The following ZNF440 variants were observed in gnomAD, a reference collection of about 807,000 sequenced individuals.
ZNF440 encodes the protein zinc finger protein 440.
ZNF440 carries 47 observed loss-of-function variants against 49.7 expected under a neutral mutation model. The ratio of observed to expected loss-of-function variants is 0.95; its 90% CI spans 0.75 to 1.21. The LOEUF is 1.21. Ranked by LOEUF, ZNF440 falls within the 50% of genes most tolerant of loss-of-function variation. ZNF440 has a pLI of 0.00. For synonymous variants in ZNF440, 255 were observed against 237.7 expected (o/e 1.07, Z -0.67); for missense variants, 703 against 715.0 (o/e 0.98, Z 0.19).
rs924781208 is a variant in ZNF440, at chr19:11,814,310, G to C, written c.-138G>C. 9 of 944,012 alleles carry C rather than the reference G, an allele frequency of 9.5e-6. No homozygotes were observed. Among genetic ancestry groups the C allele is most frequent in the Non-Finnish European group, 1.2e-5 (8 of 679,354 alleles). The allele number at this position is 944,012 out of a possible 1,614,324, so 58.5% of individuals were successfully genotyped here. A position where few individuals can be genotyped will look rare whatever the true frequency, so the allele number is the denominator to read the frequency against. On this transcript the variant is annotated 5_prime_UTR_variant, in exon 1 of 4. Transcript: ENST00000304060. ...TTCCTTTAGTGCTGCGCCGACAGCGGTCAGGATCTCGGCTTTCTTGCTTCG... is the reference window on the plus strand; with the variant it reads ...TTCCTTTAGTGCTGCGCCGACAGCGCTCAGGATCTCGGCTTTCTTGCTTCG...
At position 11,832,482 on chromosome 19, in the gene ZNF440, G is replaced by A. The variant is rs774234012; in HGVS notation, c.1306G>A (p.Val436Met). Residue 436 changes from valine (V) to methionine (M), a missense_variant, in exon 4 of 4, where the codon GTG (valine) becomes ATG (methionine). Transcript: ENST00000304060. ...CKECGKAFRY[V>M]NNLQSHERTQ... is the part of the protein sequence containing the mutation. Reference sequence around the variant, plus strand: ...GGAATGTGGGAAAGCCTTCAGATATGTGAATAACCTTCAAAGTCATGAAAG... The same window carrying A: ...GGAATGTGGGAAAGCCTTCAGATATATGAATAACCTTCAAAGTCATGAAAG... The A allele has an allele frequency of 9.9e-6, 16 of 1,613,830 alleles. No homozygotes were observed. Among genetic ancestry groups the A allele is most frequent in the Admixed American group, 1.7e-5 (1 of 59,988 alleles).
intron 1 of ZNF440, chr19:11,827,740 T>G (rs952230678): frequency 6.6e-6 from 1 of 152,228 alleles, no homozygotes; most frequent in Non-Finnish European, 1.5e-5. Flanking sequence ...ATTTGCTAAT[T>G]CAGGTGTTTC....
At chr19:11,829,584 C>G (rs932513393) in intron 1 of ZNF440, among the ~76,000 whole-genome samples, 1 of 152,090 alleles carries the variant, frequency 6.6e-6, no homozygotes, top group Non-Finnish European at 1.5e-5. Context: ...TAGGGACAGC[C>G]CAGGCAACCC....
In ZNF440 at chr19:11,814,441, C is replaced by G. The variant is rs779183133; in HGVS notation, c.-7C>G. Reference sequence around the variant, plus strand: ...AGAGGACGCCGGAACACCCTGGAAGCCGAGAAATGGTGTGTGTGAGGGGGC... The same window carrying G: ...AGAGGACGCCGGAACACCCTGGAAGGCGAGAAATGGTGTGTGTGAGGGGGC... On this transcript the variant is annotated 5_prime_UTR_variant, in exon 1 of 4. Coordinates refer to ENST00000304060, the MANE Select transcript of ZNF440 (RefSeq NM_152357.3). The G allele has an allele frequency of 6.4e-7, 1 of 1,555,508 alleles. No individual in the cohort carries two copies. Among genetic ancestry groups the G allele is most frequent in the South Asian group, 1.2e-5 (1 of 84,796 alleles).
intron 1 of ZNF440, among the ~76,000 whole-genome samples, chr19:11,825,798 T>TTTTTTTTCA (rs1975856605): frequency 7.1e-6 from 1 of 141,134 alleles, no homozygotes; most frequent in African/African-American, 2.8e-5. Context: ...TTTCTTTTTT[T>TTTTTTTTCA]TTTCTTTTCT....
At position 11,832,522 on chromosome 19, in the gene ZNF440, T is replaced by C; in HGVS notation, c.1346T>C (p.Ile449Thr). ...LQSHERTQTHIRIHSGERRYK... is the reference protein window; with the variant it reads ...LQSHERTQTHTRIHSGERRYK... ...AGTCATGAAAGGACACAAACACACATAAGAATACACTCTGGAGAAAGACGT... is the reference window on the plus strand; with the variant it reads ...AGTCATGAAAGGACACAAACACACACAAGAATACACTCTGGAGAAAGACGT... Residue 449 changes from isoleucine (I) to threonine (T), a missense_variant, in exon 4 of 4, where the codon ATA (isoleucine) becomes ACA (threonine). Coordinates refer to ENST00000304060, the MANE Select transcript of ZNF440 (RefSeq NM_152357.3). The C allele has an allele frequency of 1.2e-6, 2 of 1,612,764 alleles. No individual in the cohort carries two copies. The highest frequency in any genetic ancestry group is 1.7e-4 in the Middle Eastern group (1 of 6,044).
At chr19:11,830,144 G>A in intron 1 of ZNF440, 139 bp from the exon 2 acceptor site, 2 of 1,494,410 alleles carry the variant, frequency 1.3e-6, no homozygotes, top group Non-Finnish European at 9.0e-7. Context: ...GTATACACAG[G>A]GAGAAAGAGA....
In ZNF440 at chr19:11,832,875, G is replaced by C. The variant is rs866633329; in HGVS notation, c.1699G>C (p.Glu567Gln). The change falls in exon 4 of 4, where the codon GAG (glutamate) becomes CAG (glutamine). Residue 567 changes from glutamate (E) to glutamine (Q), a missense_variant. Physicochemically the swap from Glu to Gln is conservative, Grantham distance 29. Transcript: ENST00000304060. ...TGAATACGTGGTAGGACACACAATGGAGAGAAGCCCTATGCATGTAAGGAA... is the reference window on the plus strand; with the variant it reads ...TGAATACGTGGTAGGACACACAATGCAGAGAAGCCCTATGCATGTAAGGAA... ...TFEYVVGHTM[E>Q]RSPMHVRNVG... 6.2e-7 allele frequency: 1 copy of C among 1,612,422 alleles called. No individual in the cohort carries two copies. Among genetic ancestry groups the C allele is most frequent in the Non-Finnish European group, 8.5e-7 (1 of 1,178,820 alleles).
chr19:11,819,125 T>G (rs1260419559), intron 1 of ZNF440, among the ~76,000 whole-genome samples: 1 of 151,988 alleles, frequency 6.6e-6, no homozygotes, highest in Non-Finnish European at 1.5e-5. Context: ...CTGGGCAACA[T>G]AGTGAGACCC....
chr19:11,822,074 G>A (rs1975806772), intron 1 of ZNF440, among the ~76,000 whole-genome samples: 1 of 152,242 alleles, frequency 6.6e-6, no homozygotes, highest in South Asian at 2.1e-4. Flanking sequence ...GTTGTTTCTG[G>A]TGGATTTAGA....
intron 1 of ZNF440, among the ~76,000 whole-genome samples, chr19:11,829,050 A>C (rs1975901514): frequency 6.6e-6 from 1 of 151,748 alleles, no homozygotes; most frequent in Admixed American, 6.6e-5. Flanking sequence ...TTTTGTTTTT[A>C]CATTCAGCCA....
chr19:11,828,895 G>A (rs1279042743), intron 1 of ZNF440, among the ~76,000 whole-genome samples: 1 of 151,782 alleles, frequency 6.6e-6, no homozygotes, highest in Non-Finnish European at 1.5e-5. Context: ...TGCTGGTCAG[G>A]CTGATCTTGA....
At chr19:11,827,224 C>A (rs547518671) in intron 1 of ZNF440, among the ~76,000 whole-genome samples, 2 of 151,552 alleles carry the variant, frequency 1.3e-5, no homozygotes, top group African/African-American at 2.4e-5. Flanking sequence ...CCACCAGGCC[C>A]GGCTAATTTT....
chr19:11,834,058 T>C lies in ZNF440; in HGVS notation c.*1094T>C, dbSNP rs929645364. The C allele has an allele frequency of 2.3e-5, 6 of 263,758 alleles. No individual in the cohort carries two copies. The highest frequency in any genetic ancestry group is 1.5e-5 in the Non-Finnish European group (2 of 131,206). 16.3% of individuals were successfully genotyped at this position (263,758 alleles called of 1,614,324 possible). ...AACCATGTGGATAAAATGCCAGACATCTTTTTATTCGAAAATTTTACTTTT... is the reference window on the plus strand; with the variant it reads ...AACCATGTGGATAAAATGCCAGACACCTTTTTATTCGAAAATTTTACTTTT... On this transcript the variant is annotated 3_prime_UTR_variant, in exon 4 of 4. Transcript: ENST00000304060.
chr19:11,820,999 A>G (rs147712003), intron 1 of ZNF440, among the ~76,000 whole-genome samples: 69 of 152,288 alleles, frequency 4.5e-4, no homozygotes, highest in Middle Eastern at 3.4e-3. Context: ...CCTTTCCTCT[A>G]TGTGAAATGT....
chr19:11,828,931 A>G (rs763371658), intron 1 of ZNF440, among the ~76,000 whole-genome samples: 4 of 151,728 alleles, frequency 2.6e-5, no homozygotes, highest in African/African-American at 4.8e-5. Flanking sequence ...TGATCTGCCT[A>G]CCTTGGCCTT....
In ZNF440 at chr19:11,834,897, T is replaced by C. The variant is rs1314326566; in HGVS notation, c.*1933T>C. The C allele has an allele frequency of 6.6e-6, 1 of 150,928 alleles. No individual in the cohort carries two copies. Among genetic ancestry groups the C allele is most frequent in the Non-Finnish European group, 1.5e-5 (1 of 67,864 alleles). 9.3% of individuals were successfully genotyped at this position (150,928 alleles called of 1,614,324 possible). ...GATCAAACCCCGTCTCTACTAAAAATACAAAAGTTAGCAGGGCGTGGTGGC... is the reference window on the plus strand; with the variant it reads ...GATCAAACCCCGTCTCTACTAAAAACACAAAAGTTAGCAGGGCGTGGTGGC... On this transcript the variant is annotated 3_prime_UTR_variant, in exon 4 of 4. Transcript: ENST00000304060.
Position 11,832,167 on chromosome 19 carries a change from G to A in ZNF440, c.991G>A (p.Val331Ile), listed in dbSNP as rs766413832. Residue 331 changes from valine (V) to isoleucine (I), a missense_variant, in exon 4 of 4, where the codon GTA becomes ATA. Coordinates refer to ENST00000304060, the MANE Select transcript of ZNF440 (RefSeq NM_152357.3). ...LSSLTSFQTH[V>I]RLHSGERPYE... Reference sequence around the variant, plus strand: ...CTCTCTTACAAGTTTTCAAACACACGTAAGATTGCACTCTGGAGAAAGACC... The same window carrying A: ...CTCTCTTACAAGTTTTCAAACACACATAAGATTGCACTCTGGAGAAAGACC... 82 of 1,614,074 alleles carry A rather than the reference G, an allele frequency of 5.1e-5. No homozygotes were observed. Among genetic ancestry groups the A allele is most frequent in the South Asian group, 2.3e-4 (21 of 91,090 alleles).
At chr19:11,822,843 G>A (rs1197574780) in intron 1 of ZNF440, among the ~76,000 whole-genome samples, 8 of 58,984 alleles carry the variant, frequency 1.4e-4, no homozygotes, top group African/African-American at 3.2e-4. Flanking sequence ...GTGAAACTCC[G>A]TTAAAAAAAA....
Sources: gnomAD v4.1 joint callset for allele counts (sites outside exome capture counted in the v4.1 genomes callset) on GRCh38, gnomAD v4.1.1 for gene constraint, MANE v1.5 for transcripts, NCBI Gene and HGNC (gene_info 2026-07-23, HGNC 2026-07-21) for gene names.